The following KIAA0319 variants were observed in gnomAD, a reference collection of about 807,000 sequenced individuals.
KIAA0319 encodes dyslexia-associated protein KIAA0319.
KIAA0319 carries 83 observed loss-of-function variants against 108.4 expected under a neutral mutation model. That is an observed-to-expected ratio of 0.77 (90% confidence interval 0.64 to 0.92). The LOEUF (loss-of-function observed/expected upper bound fraction) is 0.92. Ranked by LOEUF, KIAA0319 falls within the 40% of genes least tolerant of loss-of-function variation. The pLI is 0.00. For missense variants in KIAA0319, 1,195 were observed against 1,322.4 expected (o/e 0.90, Z 1.49); for synonymous variants, 484 against 510.4 (o/e 0.95, Z 0.70).
chr6:24,568,637 CT>C (rs926946886), intron 13 of KIAA0319, 143 bp downstream of exon 13: 8 of 760,634 alleles, frequency 1.1e-5, no homozygotes, highest in African/African-American at 8.7e-5. Context: ...AGAAAGTTGG[CT>C]TTTTTTCAGC....
intron 17 of KIAA0319, among the ~76,000 whole-genome samples, chr6:24,557,010 T>G (rs532290274): frequency 2.2e-4 from 33 of 152,264 alleles, no homozygotes; most frequent in African/African-American, 7.0e-4. Context: ...ATCCAGACCA[T>G]CCTGACCAAC....
chr6:24,549,035 C>G (rs575705107), intron 20 of KIAA0319, among the ~76,000 whole-genome samples: 3 of 152,000 alleles, frequency 2.0e-5, no homozygotes, highest in Non-Finnish European at 4.4e-5. Context: ...AAAAGAGGCA[C>G]CAGAGGCCAG....
At chr6:24,571,691 C>G (rs1561961359) in intron 11 of KIAA0319, among the ~76,000 whole-genome samples, 1 of 152,200 alleles carries the variant, frequency 6.6e-6, no homozygotes, top group Non-Finnish European at 1.5e-5. Flanking sequence ...GTACCAGACT[C>G]TCTTCTTTGG....
intron 20 of KIAA0319, among the ~76,000 whole-genome samples, chr6:24,547,697 G>A (rs1200812087): frequency 6.6e-6 from 1 of 152,158 alleles, no homozygotes; most frequent in Non-Finnish European, 1.5e-5. Flanking sequence ...AAGCTCTCTT[G>A]GCCCAGCCTT....
Position 24,599,715 on chromosome 6 carries a change from G to A in KIAA0319, c.55+1334C>T. The A allele has an allele frequency of 1.7e-6, 1 of 583,422 alleles. No individual in the cohort carries two copies. 36.1% of individuals were successfully genotyped at this position (583,422 alleles called of 1,614,324 possible). ...CTTCAGCAGCACCAACTCCTTCAGG[G>A]CCATGGTTGTGAAGAAGATCGAGAT... On this transcript the variant is annotated intron_variant, in intron 2 of 20. Transcript: ENST00000378214. This position sits in a 1 kb window ranked among gnomAD's most constrained non-coding sequence, Gnocchi z 4.1.
Position 24,565,498 on chromosome 6 carries a change from T to C in KIAA0319, c.2292+1099A>G, listed in dbSNP as rs1015118853. ...GGCTGGGCGCGGTGGCTCACGCCTG[T>C]AATCCCAGTACTTTGGGAGGCCGAA... On this transcript the variant is annotated intron_variant, in intron 14 of 20. Coordinates refer to ENST00000378214, the MANE Select transcript of KIAA0319 (RefSeq NM_014809.4). Among the ~76,000 whole-genome samples the C allele has an allele frequency of 2.8e-4, 43 of 152,034 alleles. 1 individual carries two copies. Among genetic ancestry groups the C allele is most frequent in the Admixed American group, 6.5e-5 (1 of 15,272 alleles).
chr6:24,588,808 A>G (rs748895737), intron 3 of KIAA0319, 23 bp from the exon 4 acceptor site: 1 of 1,579,552 alleles, frequency 6.3e-7, no homozygotes, highest in Admixed American at 1.8e-5. Flanking sequence ...TTACAAGGAT[A>G]AATTGTTATT....
intron 1 of KIAA0319, among the ~76,000 whole-genome samples, chr6:24,643,172 T>C (rs1187469685): frequency 2.6e-5 from 4 of 152,226 alleles, no homozygotes; most frequent in Non-Finnish European, 5.9e-5. Context: ...AAACACCTAC[T>C]GTTAAAAGAC....
intron 4 of KIAA0319, among the ~76,000 whole-genome samples, chr6:24,587,382 G>A (rs560716876): frequency 6.6e-6 from 1 of 152,126 alleles, no homozygotes; most frequent in Non-Finnish European, 1.5e-5. Context: ...CCGGGTTCAT[G>A]CCATTCTCCT....
chr6:24,642,883 T>C (rs548696781), intron 1 of KIAA0319, among the ~76,000 whole-genome samples: 27 of 152,318 alleles, frequency 1.8e-4, no homozygotes, highest in East Asian at 9.6e-4. Flanking sequence ...AATTTTTGTA[T>C]TTTTAGTAGA....
chr6:24,610,427 T>C (rs1417557761), intron 1 of KIAA0319, among the ~76,000 whole-genome samples: 1 of 151,760 alleles, frequency 6.6e-6, no homozygotes, highest in African/African-American at 2.4e-5. Context: ...AAAAAGACAA[T>C]TAAAAACGTT....
At position 24,596,320 on chromosome 6, in the gene KIAA0319, GT is replaced by G; in HGVS notation, c.353del (p.Asp118AlafsTer2). 6.2e-7 allele frequency: 1 copy of G among 1,614,156 alleles called. No homozygotes were observed. The highest frequency in any genetic ancestry group is 8.5e-7 in the Non-Finnish European group (1 of 1,179,982). Reference protein sequence around the residue: ...QRPAQLLDYGDMMLNRGSPSG... With the variant: ...QRPAQLLDYGXMMLNRGSPSG... ...AGGGGGAGCCCCTGTTCAGCATCAT[GT>G]CCCCATAGTCCAGCAGCTGTGCAGG... is the stretch of plus-strand genomic sequence containing the variant. On this transcript the variant is annotated frameshift_variant, in exon 3 of 21. Transcript: ENST00000378214. LOFTEE classifies it high-confidence loss of function.
rs753674872 is a variant in KIAA0319 at position 24,583,656 on chromosome 6, T to C, written c.1041A>G (p.Leu347=). Residue 347 remains leucine (L), a synonymous_variant, in exon 5 of 21, where the codon TTA becomes TTG. Coordinates refer to ENST00000378214, the MANE Select transcript of KIAA0319 (RefSeq NM_014809.4). ...VSAGDNLIIT[L]PDNEVELKAF... is the part of the protein sequence containing the mutation. ...CCTTCAGTTCAACTTCATTGTCGGG[T>C]AAAGTTATAATTAGGTTATCTCCAG... 2 of 1,613,810 alleles carry C rather than the reference T, an allele frequency of 1.2e-6. No individual in the cohort carries two copies. Among genetic ancestry groups the C allele is most frequent in the South Asian group, 2.2e-5 (2 of 91,054 alleles).
At chr6:24,632,551 C>G (rs945502870) in intron 1 of KIAA0319, among the ~76,000 whole-genome samples, 3 of 152,176 alleles carry the variant, frequency 2.0e-5, no homozygotes, top group African/African-American at 7.2e-5. Flanking sequence ...TCCTTACTGC[C>G]TGGGCCTGGG....
chr6:24,560,243 T>C (rs1346152222), intron 16 of KIAA0319, among the ~76,000 whole-genome samples: 2 of 152,234 alleles, frequency 1.3e-5, no homozygotes, highest in African/African-American at 2.4e-5. Flanking sequence ...ATGGGTTATA[T>C]GGTAGCTGTA....
In KIAA0319 at chr6:24,579,954, T is replaced by C. The variant is rs779450590; in HGVS notation, c.1280-4A>G. ...GGTGGCAGGTTGACTCTTCTGGCTGTAACAAAAAAAAGGACAGTGACTGAG... is the reference window on the plus strand; with the variant it reads ...GGTGGCAGGTTGACTCTTCTGGCTGCAACAAAAAAAAGGACAGTGACTGAG... On this transcript the variant is annotated splice_polypyrimidine_tract_variant and splice_region_variant and intron_variant, in intron 7 of 20. Transcript: ENST00000378214. 9.5e-6 allele frequency: 15 copies of C among 1,574,428 alleles called. No homozygotes were observed. In the African/African-American group the frequency reaches 1.1e-4, roughly 12 times the overall value.
intron 2 of KIAA0319, chr6:24,598,244 G>A: frequency 1.7e-6 from 1 of 586,754 alleles, no homozygotes; most frequent in Non-Finnish European, 3.1e-6. Context: ...GTCAACTAGA[G>A]CCTGCTGAGC....
intron 19 of KIAA0319, among the ~76,000 whole-genome samples, chr6:24,553,270 GAT>G (rs1341452189): frequency 3.8e-5 from 4 of 106,010 alleles, no homozygotes; most frequent in East Asian, 2.2e-4. Context: ...GTACTTGTGA[GAT>G]AGATATATAT....
At chr6:24,554,472 C>T in intron 19 of KIAA0319, 69 bp downstream of exon 19, 3 of 1,113,380 alleles carry the variant, frequency 2.7e-6, no homozygotes, top group Non-Finnish European at 4.1e-6. Context: ...TCCAAGTAAA[C>T]AATTCCTAAG....
Sources: gnomAD v4.1 joint callset for allele counts (sites outside exome capture counted in the v4.1 genomes callset) on GRCh38, gnomAD v4.1.1 for gene constraint, Gnocchi (gnomAD v3.1) non-coding constraint, MANE v1.5 for transcripts, NCBI Gene and HGNC (gene_info 2026-07-23, HGNC 2026-07-21) for gene names.